CLASP1: variants seen among roughly 807,000 people sequenced by gnomAD.
CLASP1 encodes the protein cytoplasmic linker associated protein 1, also known as CLIP-associating protein 1.
A neutral mutation model predicts 192.3 loss-of-function variants in CLASP1; 38 were observed. That is an observed-to-expected ratio of 0.20 (90% CI 0.15 to 0.26). CLASP1 has a LOEUF of 0.26. Among genes scored for constraint, CLASP1 ranks in the 10% least tolerant of loss-of-function variants. The pLI is 1.00. For missense variants in CLASP1, 1,433 were observed against 1,932.5 expected, an observed-to-expected ratio of 0.74 and a Z score of 4.85; for synonymous variants, 691 against 712.8, an observed-to-expected ratio of 0.97 and a Z score of 0.49.
chr2:121,589,033 T>A (rs561766023), intron 2 of CLASP1, among the ~76,000 whole-genome samples: 1 of 151,928 alleles, frequency 6.6e-6, no homozygotes, highest in African/African-American at 2.4e-5. Flanking sequence ...AAGATGTGAG[T>A]TGGGGTCATA....
exon 39 of CLASP1, chr2:121,347,076 C>T (rs1423148813): frequency 2.5e-6 from 4 of 1,584,670 alleles, no homozygotes; most frequent in Admixed American, 1.8e-5. Flanking sequence ...GGTTTCAGGT[C>T]TTCTCCGATT....
chr2:121,478,799 AC>A (rs1559367326), intron 8 of CLASP1, among the ~76,000 whole-genome samples: 4 of 21,588 alleles, frequency 1.9e-4, no homozygotes, highest in Non-Finnish European at 4.2e-4. Flanking sequence ...CACACCACAC[AC>A]CACACACACA....
Position 121,530,853 on chromosome 2 carries a change from GC to G in CLASP1, c.196-529del, listed in dbSNP as rs1425846374. The stretch of plus-strand genomic sequence containing the variant: ...ACCCTACCAGGTATTGGCGCTTCCT[GC>G]TTGCAGCCCAGGGACTTTCTATTAT... On this transcript the variant is annotated intron_variant, in intron 2 of 39. Transcript: ENST00000263710. The G allele has an allele frequency of 4.5e-6, 3 of 668,748 alleles. No homozygotes were observed. In the African/African-American group the frequency reaches 5.3e-5, roughly 12 times the overall value. The allele number at this position is 668,748 out of a possible 1,614,324, so 41.4% of individuals were successfully genotyped here. A position where few individuals can be genotyped will look rare whatever the true frequency, so the allele number is the denominator to read the frequency against.
At chr2:121,516,971 C>G (rs1025503428) in intron 6 of CLASP1, among the ~76,000 whole-genome samples, 1 of 152,164 alleles carries the variant, frequency 6.6e-6, no homozygotes, top group African/African-American at 2.4e-5. Flanking sequence ...TTGCAGTAAG[C>G]TGAGATCGTG....
rs147593915 is a variant in CLASP1 at position 121,416,691 on chromosome 2, A to G, written c.2320+1931T>C. ...AGAAGCCTCAGAACAAGCATTTAAT[A>G]TATTTTCGAGAAACAGATGAAAGAC... On this transcript the variant is annotated intron_variant, in intron 23 of 39. Transcript: ENST00000263710. Among the ~76,000 whole-genome samples the G allele has an allele frequency of 1.9e-3, 291 of 152,338 alleles. 1 individual carries two copies. The highest frequency in any genetic ancestry group is 6.7e-3 in the African/African-American group (278 of 41,578).
chr2:121,369,419 TTTTTA>T (rs1573912098), intron 34 of CLASP1, among the ~76,000 whole-genome samples: 1 of 152,232 alleles, frequency 6.6e-6, no homozygotes, highest in African/African-American at 2.4e-5. Flanking sequence ...TAATTGTTTC[TTTTTA>T]TAAGTCTTCT....
intron 2 of CLASP1, among the ~76,000 whole-genome samples, chr2:121,557,421 T>TAAAGAAAAA (rs1553629760): frequency 1.3e-5 from 2 of 149,748 alleles, no homozygotes; most frequent in African/African-American, 2.4e-5. Context: ...CCATCTCTAC[T>TAAAGAAAAA]AAAAATACAA....
chr2:121,494,395 A>C (rs1361927927), intron 8 of CLASP1, among the ~76,000 whole-genome samples: 1 of 152,212 alleles, frequency 6.6e-6, no homozygotes, highest in African/African-American at 2.4e-5. Flanking sequence ...CTAAAAATTA[A>C]AACAACTGAA....
At chr2:121,406,556 CA>C (rs1427376920) in intron 25 of CLASP1, among the ~76,000 whole-genome samples, 2 of 151,854 alleles carry the variant, frequency 1.3e-5, no homozygotes, top group Non-Finnish European at 2.9e-5. Flanking sequence ...AAATATCAAA[CA>C]GAAGGGAACC....
exon 30 of CLASP1, chr2:121,397,273 G>A (rs771942025): frequency 1.9e-6 from 3 of 1,613,408 alleles, no homozygotes; most frequent in Non-Finnish European, 2.5e-6. Flanking sequence ...TTTCAGGATT[G>A]CAACTTTGAC....
chr2:121,500,594 T>C (rs986681206), intron 8 of CLASP1, among the ~76,000 whole-genome samples: 3 of 152,160 alleles, frequency 2.0e-5, no homozygotes, highest in Non-Finnish European at 4.4e-5. Context: ...CTCTATGCCA[T>C]CTAAATGTTC....
chr2:121,398,132 C>T (rs1378767324), intron 29 of CLASP1, among the ~76,000 whole-genome samples, 190 bp downstream of exon 30: 1 of 152,126 alleles, frequency 6.6e-6, no homozygotes, highest in Non-Finnish European at 1.5e-5. Flanking sequence ...CATGTACTTA[C>T]CCAATGAACC....
intron 32 of CLASP1, among the ~76,000 whole-genome samples, 166 bp downstream of exon 33, chr2:121,386,956 A>AT (rs1168369920): frequency 1.3e-5 from 2 of 152,252 alleles, no homozygotes; most frequent in African/African-American, 4.8e-5. Flanking sequence ...ACCCCTTTGC[A>AT]TAAGATTATA....
At chr2:121,617,157 T>A (rs2066609582) in intron 1 of CLASP1, among the ~76,000 whole-genome samples, 1 of 152,190 alleles carries the variant, frequency 6.6e-6, no homozygotes, top group Non-Finnish European at 1.5e-5. Flanking sequence ...GGTCCTTCCC[T>A]GTCTTCCACT....
At chr2:121,500,925 A>G (rs1196152772) in intron 8 of CLASP1, among the ~76,000 whole-genome samples, 1 of 152,222 alleles carries the variant, frequency 6.6e-6, no homozygotes, top group Non-Finnish European at 1.5e-5. Flanking sequence ...GCACGTGCAC[A>G]CACACATAAA....
At chr2:121,439,281 C>T (rs1311865333) in intron 19 of CLASP1, among the ~76,000 whole-genome samples, 5 of 152,166 alleles carry the variant, frequency 3.3e-5, no homozygotes, top group African/African-American at 9.7e-5. Flanking sequence ...AAACCAGCTC[C>T]TGGATTCATT....
intron 2 of CLASP1, among the ~76,000 whole-genome samples, chr2:121,599,377 C>CA (rs1165885111): frequency 5.4e-5 from 8 of 147,378 alleles, no homozygotes; most frequent in Non-Finnish European, 1.2e-4. Flanking sequence ...ATCAGGCAGT[C>CA]AGGAGTTCAA....
At chr2:121,529,310 T>C (rs1159897175) in intron 3 of CLASP1, among the ~76,000 whole-genome samples, 1 of 152,218 alleles carries the variant, frequency 6.6e-6, no homozygotes, top group East Asian at 1.9e-4. Flanking sequence ...AGTGCACCTG[T>C]AGACCAGAGA....
Position 121,515,877 on chromosome 2 carries a change from G to T in CLASP1, c.547-115C>A, listed in dbSNP as rs546153147. The T allele has an allele frequency of 2.4e-5, 18 of 756,694 alleles. 1 individual carries two copies. The South Asian group carries it at 2.6e-4, about 11-fold the overall frequency. 46.9% of individuals were successfully genotyped at this position (756,694 alleles called of 1,614,324 possible). On this transcript the variant is annotated intron_variant, in intron 6 of 39. Transcript: ENST00000263710. ...TTATCACCATTTTACCAGTGCAACT[G>T]TGAATACAATCCTTATATACATTTG... is the stretch of plus-strand genomic sequence containing the variant.
Sources: gnomAD v4.1 joint callset for allele counts (sites outside exome capture counted in the v4.1 genomes callset) on GRCh38, gnomAD v4.1.1 for gene constraint, MANE v1.5 for transcripts, NCBI Gene and HGNC (gene_info 2026-07-23, HGNC 2026-07-21) for gene names.